The following RABEP1 variants were observed in gnomAD, a reference collection of about 807,000 sequenced individuals.
The protein encoded by RABEP1 is rab GTPase-binding effector protein 1.
Under a neutral mutation model 123.4 loss-of-function variants are expected in RABEP1, and 51 were observed. The observed-to-expected ratio is 0.41, with a 90% CI of 0.33 to 0.52. RABEP1 has a LOEUF of 0.52. RABEP1 is among the 20% of genes least tolerant of loss of function. The pLI is 0.16. For synonymous variants in RABEP1, 347 were observed against 355.2 expected (o/e 0.98, Z 0.26); for missense variants, 888 against 996.3 (o/e 0.89, Z 1.46).
chr17:5,328,473 C>T (rs1013049967), intron 2 of RABEP1, among the ~76,000 whole-genome samples: 1 of 150,000 alleles, frequency 6.7e-6, no homozygotes, highest in Non-Finnish European at 1.5e-5. Context: ...GACAAAACTC[C>T]CTCTCTACAA....
Position 5,361,442 on chromosome 17 carries a change from G to T in RABEP1, c.1330G>T (p.Gly444Ter). ...LDESDFGPLVGADSVSENFDT... is the reference protein window; with the variant it reads ...LDESDFGPLV ...CGAGTCAGATTTTGGACCACTGGTA[G>T]GAGCAGATTCAGTGTCTGAGAACTT... The change falls in exon 9 of 18, where the codon GGA becomes TGA. Residue 444 changes from glycine (G) to a stop codon, truncating the protein, a stop_gained. Coordinates refer to ENST00000537505, the MANE Select transcript of RABEP1 (RefSeq NM_004703.6). LOFTEE classifies it high-confidence loss of function. 1 of 1,614,218 alleles carries T rather than the reference G, an allele frequency of 6.2e-7. No individual in the cohort carries two copies. Among genetic ancestry groups the T allele is most frequent in the Non-Finnish European group, 8.5e-7 (1 of 1,180,030 alleles).
Position 5,314,973 on chromosome 17 carries a change from C to T in RABEP1, c.163+6151C>T, listed in dbSNP as rs1230470290. On this transcript the variant is annotated intron_variant, in intron 2 of 17. Coordinates refer to ENST00000537505, the MANE Select transcript of RABEP1 (RefSeq NM_004703.6). ...GAGTAAGAGACGGTTACGTGAAACA[C>T]AGAACAAAAGGCCATATAGTTTTCA... is the stretch of plus-strand genomic sequence containing the variant. Among the ~76,000 whole-genome samples the T allele has an allele frequency of 3.3e-5, 5 of 152,208 alleles. No individual in the cohort carries two copies. In the East Asian group the frequency reaches 5.8e-4, roughly 18 times the overall value.
At chr17:5,331,324 T>C (rs1287568983) in intron 2 of RABEP1, among the ~76,000 whole-genome samples, 3 of 152,166 alleles carry the variant, frequency 2.0e-5, no homozygotes, top group Non-Finnish European at 4.4e-5. Context: ...GTGACTGTTG[T>C]TAAGGGTATG....
intron 2 of RABEP1, among the ~76,000 whole-genome samples, chr17:5,325,887 G>T (rs1597357519): frequency 1.3e-5 from 2 of 152,132 alleles, no homozygotes; most frequent in Non-Finnish European, 2.9e-5. Flanking sequence ...TTACCAAATG[G>T]GCAGAAGACC....
intron 1 of RABEP1, among the ~76,000 whole-genome samples, chr17:5,282,996 A>G (rs1270069321): frequency 6.6e-6 from 1 of 152,064 alleles, no homozygotes; most frequent in Non-Finnish European, 1.5e-5. Context: ...GTGTACAGTA[A>G]CTGGATTTAG....
intron 11 of RABEP1, among the ~76,000 whole-genome samples, chr17:5,366,741 A>G (rs1245695365): frequency 1.3e-5 from 2 of 151,580 alleles, no homozygotes; most frequent in Non-Finnish European, 2.9e-5. Context: ...CTGGCCCATC[A>G]GTAGCTTATG....
chr17:5,373,765 A>G (rs868009728), intron 13 of RABEP1, among the ~76,000 whole-genome samples: 1 of 149,384 alleles, frequency 6.7e-6, no homozygotes, highest in Middle Eastern at 3.4e-3. Context: ...CCCTTTAGCT[A>G]CCATCCTTAT....
In RABEP1 at chr17:5,313,065, G is replaced by A. The variant is rs1427893019; in HGVS notation, c.163+4243G>A. Among the ~76,000 whole-genome samples, 7 of 152,266 alleles carry A rather than the reference G, an allele frequency of 4.6e-5. No homozygotes were observed. In the South Asian group the frequency reaches 8.3e-4, roughly 18 times the overall value. On this transcript the variant is annotated intron_variant, in intron 2 of 17. Coordinates refer to ENST00000537505, the MANE Select transcript of RABEP1 (RefSeq NM_004703.6). ...GCAGAAGTTGCAGTGAGCCAAGATC[G>A]CGCCACTGCACTCCAGCCTGGTCGA...
intron 12 of RABEP1, among the ~76,000 whole-genome samples, chr17:5,370,618 T>C (rs1910451642): frequency 6.6e-6 from 1 of 152,184 alleles, no homozygotes; most frequent in Admixed American, 6.5e-5. Context: ...ATTATCTCCT[T>C]GTGATTTGAT....
At chr17:5,352,314 G>A (rs968973216) in intron 7 of RABEP1, among the ~76,000 whole-genome samples, 11 of 151,332 alleles carry the variant, frequency 7.3e-5, no homozygotes, top group Admixed American at 3.3e-4. Flanking sequence ...TGTCTCAGCC[G>A]CCCAAGTAGC....
At position 5,342,185 on chromosome 17, in the gene RABEP1, G is replaced by T. The variant is rs567701860; in HGVS notation, c.648+4047G>T. On this transcript the variant is annotated intron_variant, in intron 5 of 17. Transcript: ENST00000537505. Reference sequence around the variant, plus strand: ...GTGATAACCAGTTGAAGAATGCAGTGGTGGAAAAAAGATTGATCCTATTCA... The same window carrying T: ...GTGATAACCAGTTGAAGAATGCAGTTGTGGAAAAAAGATTGATCCTATTCA... Among the ~76,000 whole-genome samples, 6 of 151,548 alleles carry T rather than the reference G, an allele frequency of 4.0e-5. No individual in the cohort carries two copies. In the East Asian group the frequency reaches 1.2e-3, roughly 29 times the overall value.
At chr17:5,295,464 T>G (rs2075074219) in intron 1 of RABEP1, among the ~76,000 whole-genome samples, 1 of 151,342 alleles carries the variant, frequency 6.6e-6, no homozygotes, top group Non-Finnish European at 1.5e-5. Flanking sequence ...ATAGGTTTAA[T>G]TAACCCTCTT....
chr17:5,288,286 G>T (rs966821361), intron 1 of RABEP1, among the ~76,000 whole-genome samples: 3 of 152,142 alleles, frequency 2.0e-5, no homozygotes, highest in Admixed American at 6.5e-5. Context: ...CACTGTGCCT[G>T]GGTAGAGGAG....
intron 5 of RABEP1, among the ~76,000 whole-genome samples, chr17:5,345,409 C>CA (rs1410845274): frequency 6.6e-6 from 1 of 152,194 alleles, no homozygotes; most frequent in Non-Finnish European, 1.5e-5. Flanking sequence ...GTATGGAACT[C>CA]AAAGTAATTC....
intron 11 of RABEP1, among the ~76,000 whole-genome samples, chr17:5,367,426 C>A (rs1284459291): frequency 4.0e-5 from 6 of 150,868 alleles, no homozygotes; most frequent in Non-Finnish European, 6.0e-5. Context: ...CACCCGCCAC[C>A]ACGCCCGGCT....
At chr17:5,326,666 A>C (rs1905999489) in intron 2 of RABEP1, among the ~76,000 whole-genome samples, 1 of 152,196 alleles carries the variant, frequency 6.6e-6, no homozygotes, top group Non-Finnish European at 1.5e-5. Flanking sequence ...GTGTGGGTTC[A>C]TCAGTTGTAT....
intron 2 of RABEP1, among the ~76,000 whole-genome samples, chr17:5,320,622 A>C (rs1342038506): frequency 6.6e-6 from 1 of 152,132 alleles, no homozygotes; most frequent in East Asian, 1.9e-4. Context: ...CTAAATTCAA[A>C]ATGTGGGGAA....
In RABEP1 at chr17:5,324,825, C is replaced by A. The variant is rs145535031; in HGVS notation, c.164-7124C>A. ...AACATCACTAATCATTAGAGAAATGCAAAGCAAAACTACAATGGGATATCC... is the reference window on the plus strand; with the variant it reads ...AACATCACTAATCATTAGAGAAATGAAAAGCAAAACTACAATGGGATATCC... On this transcript the variant is annotated intron_variant, in intron 2 of 17. Transcript: ENST00000537505. Among the ~76,000 whole-genome samples the A allele has an allele frequency of 1.1e-3, 166 of 152,214 alleles. 1 individual carries two copies. In the East Asian group the frequency reaches 0.024, roughly 22 times the overall value.
chr17:5,329,019 C>CTT (rs760060600), intron 2 of RABEP1, among the ~76,000 whole-genome samples: 31,132 of 110,330 alleles, frequency 0.28, 5,393 homozygotes, highest in East Asian at 0.57. Flanking sequence ...TTCAGAAAGA[C>CTT]TTTTTTTTTT....
Sources: allele counts gnomAD v4.1 joint callset (sites outside exome capture counted in the v4.1 genomes callset), GRCh38; gene constraint gnomAD v4.1.1; transcripts MANE v1.5; gene names NCBI Gene and HGNC (gene_info 2026-07-23, HGNC 2026-07-21).